DDX42: variants seen among roughly 807,000 people sequenced by gnomAD.
DDX42 encodes ATP-dependent RNA helicase DDX42.
DDX42 carries 22 observed loss-of-function variants against 101.5 expected under a neutral mutation model. The observed-to-expected ratio is 0.22, with a 90% confidence interval of 0.15 to 0.31. DDX42 has a LOEUF of 0.31. Among genes scored for constraint, DDX42 ranks in the 10% least tolerant of loss-of-function variants. DDX42 has a pLI of 1.00. For synonymous variants in DDX42, 402 were observed against 401.2 expected, an observed-to-expected ratio of 1.00 and a Z score of -0.02; for missense variants, 849 against 1,199.9, an observed-to-expected ratio of 0.71 and a Z score of 4.32.
Position 63,818,885 on chromosome 17 carries a change from A to G in DDX42, c.*487A>G, listed in dbSNP as rs770177695. Reference sequence around the variant, plus strand: ...TGGTAGTTGTAGACATTTGCAGGGAAGGGAGATGTCTGATTCTAAATGGGA... The same window carrying G: ...TGGTAGTTGTAGACATTTGCAGGGAGGGGAGATGTCTGATTCTAAATGGGA... On this transcript the variant is annotated 3_prime_UTR_variant, in exon 18 of 18. Coordinates refer to ENST00000389924, the MANE Select transcript of DDX42 (RefSeq NM_203499.3). 2 of 156,956 alleles carry G rather than the reference A, an allele frequency of 1.3e-5. No individual in the cohort carries two copies. Among genetic ancestry groups the G allele is most frequent in the Non-Finnish European group, 2.8e-5 (2 of 70,502 alleles). 9.7% of individuals were successfully genotyped at this position (156,956 alleles called of 1,614,324 possible). A position where few individuals can be genotyped will look rare whatever the true frequency, so the allele number is the denominator to read the frequency against.
At chr17:63,794,650 A>T (rs972875) in intron 3 of DDX42, among the ~76,000 whole-genome samples, 37,862 of 145,892 alleles carry the variant, frequency 0.26, 4,877 homozygotes, top group Middle Eastern at 0.35. Flanking sequence ...AAAAAAAAAA[A>T]TTTGGCCGGG....
At chr17:63,804,761 A>G (rs1359676301) in intron 6 of DDX42, among the ~76,000 whole-genome samples, 1 of 152,138 alleles carries the variant, frequency 6.6e-6, no homozygotes, top group East Asian at 1.9e-4. Context: ...TGGCGTGAGA[A>G]TTGTTTGAAC....
chr17:63,793,630 G>C (rs922187168), intron 3 of DDX42, among the ~76,000 whole-genome samples: 3 of 151,910 alleles, frequency 2.0e-5, no homozygotes, highest in African/African-American at 7.3e-5. Context: ...GTATTTCTCT[G>C]AGAACACTCT....
intron 4 of DDX42, 110 bp downstream of exon 4, chr17:63,798,209 C>CCTG: frequency 1.1e-6 from 1 of 933,658 alleles, no homozygotes; most frequent in Non-Finnish European, 1.6e-6. Flanking sequence ...CACTTGTGTA[C>CCTG]TTTACTTGAA....
intron 1 of DDX42, among the ~76,000 whole-genome samples, chr17:63,778,078 A>G (rs1378973384): frequency 6.6e-6 from 1 of 151,976 alleles, no homozygotes; most frequent in Non-Finnish European, 1.5e-5. Context: ...GAACCTGGAA[A>G]GGGTTTTCGA....
intron 7 of DDX42, 112 bp downstream of exon 7, chr17:63,805,287 C>G: frequency 7.6e-7 from 1 of 1,309,446 alleles, no homozygotes; most frequent in African/African-American, 1.5e-5. Flanking sequence ...GGTCTCTGAA[C>G]TGTCTTTGCC....
chr17:63,811,418 T>G (rs892537162), intron 13 of DDX42: 29 of 424,308 alleles, frequency 6.8e-5, no homozygotes, highest in African/African-American at 5.7e-4. Flanking sequence ...TTTTTTGTTT[T>G]ATTGAATGTC....
chr17:63,793,641 T>G (rs529421754), intron 3 of DDX42, among the ~76,000 whole-genome samples: 1 of 152,236 alleles, frequency 6.6e-6, no homozygotes, highest in African/African-American at 2.4e-5. Flanking sequence ...AGAACACTCT[T>G]ACAAATTACA....
In DDX42 at chr17:63,817,327, T is replaced by TA. The variant is rs1422867096; in HGVS notation, c.2112+362dup. 64 of 325,756 alleles carry TA rather than the reference T, an allele frequency of 2.0e-4. 1 individual carries two copies. The highest frequency in any genetic ancestry group is 1.8e-4 in the East Asian group (3 of 16,554). The allele number at this position is 325,756 out of a possible 1,614,324, so 20.2% of individuals were successfully genotyped here. A position where few individuals can be genotyped will look rare whatever the true frequency, so the allele number is the denominator to read the frequency against. On this transcript the variant is annotated intron_variant, in intron 17 of 17. Coordinates refer to ENST00000389924, the MANE Select transcript of DDX42 (RefSeq NM_203499.3). The stretch of plus-strand genomic sequence containing the variant: ...TGATAGTCACACTAAGGTGAATCGA[T>TA]AGAATGAGTTCAAGGCAGGTTTTGC...
At chr17:63,816,610 A>G (rs2039979956) in intron 16 of DDX42, 1 of 307,612 alleles carries the variant, frequency 3.3e-6, no homozygotes, top group Non-Finnish European at 5.9e-6. Flanking sequence ...ATGTAAATAC[A>G]TGATCAACTT....
chr17:63,793,120 T>A (rs1025822368), intron 3 of DDX42, among the ~76,000 whole-genome samples: 3 of 152,166 alleles, frequency 2.0e-5, no homozygotes, highest in Admixed American at 1.3e-4. Context: ...GTGGAAAAAT[T>A]TAAACACATA....
chr17:63,787,507 G>C (rs1178073362), intron 2 of DDX42, among the ~76,000 whole-genome samples: 1 of 152,102 alleles, frequency 6.6e-6, no homozygotes, highest in Non-Finnish European at 1.5e-5. Context: ...GTCCTACTGG[G>C]CTGTTGCTCA....
chr17:63,799,221 AT>A (rs372482810), intron 4 of DDX42, among the ~76,000 whole-genome samples: 10 of 150,568 alleles, frequency 6.6e-5, no homozygotes, highest in African/African-American at 1.2e-4. Context: ...CAAATACAAG[AT>A]TTTTTTTTTC....
At chr17:63,810,606 G>C (rs1048023959) in intron 12 of DDX42, 46 bp downstream of exon 12, 2 of 1,567,492 alleles carry the variant, frequency 1.3e-6, no homozygotes, top group African/African-American at 2.7e-5. Context: ...ACTAAAAAGG[G>C]CACTTATTTA....
intron 14 of DDX42, among the ~76,000 whole-genome samples, chr17:63,812,854 G>A (rs1273205309): frequency 3.3e-5 from 5 of 152,034 alleles, no homozygotes; most frequent in African/African-American, 9.7e-5. Context: ...GTGAAACCCC[G>A]TCTCTACTAA....
At chr17:63,814,067 T>C (rs1354179751) in intron 15 of DDX42, among the ~76,000 whole-genome samples, 1 of 152,178 alleles carries the variant, frequency 6.6e-6, no homozygotes, top group African/African-American at 2.4e-5. Flanking sequence ...CTCGAACTCC[T>C]GACCTCAGGT....
At chr17:63,800,399 G>C in intron 5 of DDX42, 69 bp from the exon 6 acceptor site, 1 of 1,494,474 alleles carries the variant, frequency 6.7e-7, no homozygotes, top group Non-Finnish European at 9.2e-7. Flanking sequence ...CACTATGTGC[G>C]CTAATTACAG....
At chr17:63,816,530 G>T (rs2039979003) in intron 16 of DDX42, 1 of 174,016 alleles carries the variant, frequency 5.7e-6, no homozygotes, top group Non-Finnish European at 1.2e-5. Context: ...GGCCTGAGCA[G>T]TCACACAATA....
In DDX42 at chr17:63,787,207, C is replaced by T. The variant is rs1598325248; in HGVS notation, c.158C>T (p.Pro53Leu). The T allele has an allele frequency of 2.5e-6, 4 of 1,614,188 alleles. No homozygotes were observed. The highest frequency in any genetic ancestry group is 1.7e-6 in the Non-Finnish European group (2 of 1,180,036). The change falls in exon 2 of 18, where the codon CCA becomes CTA. Residue 53 changes from proline (P) to leucine (L), a missense_variant. By Grantham distance (98) the Pro-to-Leu change is moderately conservative. Transcript: ENST00000389924. ...SSSSGFGKSAPPQLPSFYKIG... is the reference protein window; with the variant it reads ...SSSSGFGKSALPQLPSFYKIG... ...TCTTCTGGATTTGGAAAGTCAGCTCCACCACAGCTTCCTTCTTTCTACAAA... is the reference window on the plus strand; with the variant it reads ...TCTTCTGGATTTGGAAAGTCAGCTCTACCACAGCTTCCTTCTTTCTACAAA...
Sources: gnomAD v4.1 joint callset for allele counts (sites outside exome capture counted in the v4.1 genomes callset) on GRCh38, gnomAD v4.1.1 for gene constraint, MANE v1.5 for transcripts, NCBI Gene and HGNC (gene_info 2026-07-23, HGNC 2026-07-21) for gene names.